Variants in LMLN observed in about 807,000 individuals in gnomAD.
LMLN encodes the protein leishmanolysin-like peptidase.
In LMLN, 70 loss-of-function variants were observed where a neutral mutation model predicts 92.3. The ratio of observed to expected loss-of-function variants is 0.76; its 90% CI spans 0.63 to 0.92. The LOEUF is 0.92. Ranked by LOEUF, LMLN falls within the 40% of genes least tolerant of loss-of-function variation. The pLI, the probability that LMLN is intolerant of heterozygous loss-of-function variation, is 0.00. For synonymous variants in LMLN, 308 were observed against 296.2 expected (o/e 1.04, Z -0.41); for missense variants, 691 against 814.6 (o/e 0.85, Z 1.85).
rs1722736736 is a variant in LMLN at position 198,019,975 on chromosome 3, C to G, written c.1365+590C>G. On this transcript the variant is annotated intron_variant, in intron 12 of 15. Coordinates refer to ENST00000330198, the Ensembl canonical transcript of LMLN. This position sits in a 1 kb window ranked among gnomAD's most constrained non-coding sequence, Gnocchi z 5.5. ...TACCAGATTCAAGCGATTCTTGTGC[C>G]TCAGCCTCCCGAGTAGCTGGGTTTA... is the stretch of plus-strand genomic sequence containing the variant. Among the ~76,000 whole-genome samples the G allele has an allele frequency of 6.6e-6, 1 of 152,170 alleles. No individual in the cohort carries two copies. The highest frequency in any genetic ancestry group is 1.5e-5 in the Non-Finnish European group (1 of 68,032).
At chr3:197,979,330 G>C (rs1331365476) in intron 5 of LMLN, among the ~76,000 whole-genome samples, 2 of 152,014 alleles carry the variant, frequency 1.3e-5, no homozygotes, top group African/African-American at 4.8e-5. Context: ...TGATTACTTG[G>C]GAATTCTGAT....
At chr3:197,969,566 G>A (rs1721165293) in intron 1 of LMLN, among the ~76,000 whole-genome samples, 1 of 152,030 alleles carries the variant, frequency 6.6e-6, no homozygotes, top group Non-Finnish European at 1.5e-5. Flanking sequence ...GTTATTGATA[G>A]AGAGCATCCT....
chr3:198,043,391 C>T (rs958789061), exon 16 of LMLN: 4 of 152,658 alleles, frequency 2.6e-5, no homozygotes, highest in African/African-American at 7.2e-5. Context: ...GCACATGAGT[C>T]GTCGTGGCAG....
exon 6 of LMLN, chr3:197,980,376 G>A (rs781489007): frequency 1.2e-6 from 2 of 1,614,128 alleles, no homozygotes; most frequent in South Asian, 2.2e-5. Context: ...CAGTGGGTGT[G>A]CCAGACCAAG....
chr3:198,024,363 C>T (rs978165942), intron 13 of LMLN, among the ~76,000 whole-genome samples: 1 of 151,814 alleles, frequency 6.6e-6, no homozygotes, highest in Admixed American at 6.6e-5. Flanking sequence ...CTACAGGCGC[C>T]CGCCACCGCG....
chr3:197,999,438 G>A, intron 11 of LMLN, 96 bp downstream of exon 11: 1 of 787,606 alleles, frequency 1.3e-6, no homozygotes, highest in Non-Finnish European at 2.2e-6. Context: ...TTATGCTGAA[G>A]CAAAATATAC....
At chr3:198,007,657 C>G (rs534980331) in intron 11 of LMLN, among the ~76,000 whole-genome samples, 17 of 152,254 alleles carry the variant, frequency 1.1e-4, no homozygotes, top group African/African-American at 3.9e-4. Context: ...ATTGTTCTGG[C>G]TGTTTTGGTT....
In LMLN at chr3:197,985,891, G is replaced by A. The variant is rs1180669900; in HGVS notation, c.929+1G>A. On this transcript the variant is annotated splice_donor_variant, in intron 8 of 15. Transcript: ENST00000330198. LOFTEE classifies it high-confidence loss of function. ...ATGGCCTCCCACCTTTTAATTATAG[G>A]TATTTTTGTTGTTGTTGCTCTTGTT... 1 of 1,581,672 alleles carries A rather than the reference G, an allele frequency of 6.3e-7. No homozygotes were observed. The highest frequency in any genetic ancestry group is 8.7e-7 in the Non-Finnish European group (1 of 1,151,244).
chr3:197,988,552 A>G (rs531480671), intron 8 of LMLN, among the ~76,000 whole-genome samples: 1 of 137,970 alleles, frequency 7.2e-6, no homozygotes, highest in Admixed American at 8.1e-5. Context: ...CAGTGGCACA[A>G]TCATGATCAC....
At chr3:197,974,873 A>T (rs1373676520) in intron 2 of LMLN, among the ~76,000 whole-genome samples, 169 bp from the exon 3 acceptor site, 1 of 152,260 alleles carries the variant, frequency 6.6e-6, no homozygotes, top group Non-Finnish European at 1.5e-5. Flanking sequence ...AAATCCATAG[A>T]GTAAAGTGAA....
intron 14 of LMLN, 27 bp from the exon 16 acceptor site, chr3:198,035,806 A>G (rs373530180): frequency 8.2e-5 from 123 of 1,503,784 alleles, no homozygotes; most frequent in Non-Finnish European, 1.1e-4. Context: ...TATTATTTTT[A>G]TATATCTATT....
intron 3 of LMLN, 150 bp downstream of exon 3, chr3:197,975,222 C>G (rs890840291): frequency 1.2e-5 from 6 of 507,974 alleles, no homozygotes; most frequent in African/African-American, 1.0e-4. Flanking sequence ...CAAAAGGTGT[C>G]TTTGTGATGC....
At chr3:198,038,275 G>T in intron 15 of LMLN, 1 of 324,542 alleles carries the variant, frequency 3.1e-6, no homozygotes, top group Non-Finnish European at 5.8e-6. Flanking sequence ...CCCCATCTCA[G>T]AATAACCAAG....
chr3:198,016,045 A>C (rs1427874667), intron 11 of LMLN, among the ~76,000 whole-genome samples: 1 of 151,966 alleles, frequency 6.6e-6, no homozygotes, highest in Non-Finnish European at 1.5e-5. Context: ...TAAAAAAATT[A>C]GGCTGGCATG....
chr3:198,039,817 A>G (rs978608614), exon 16 of LMLN: 1 of 152,084 alleles, frequency 6.6e-6, no homozygotes, highest in Non-Finnish European at 1.5e-5. Flanking sequence ...AACTGCTATC[A>G]CTGTGCTGGT....
intron 9 of LMLN, among the ~76,000 whole-genome samples, chr3:197,993,329 G>C (rs1321302847): frequency 1.3e-5 from 2 of 152,146 alleles, no homozygotes; most frequent in Non-Finnish European, 2.9e-5. Context: ...GATAGTTGCT[G>C]TTTGCTGATG....
chr3:197,999,404 A>G, intron 11 of LMLN, 62 bp downstream of exon 11: 2 of 1,142,764 alleles, frequency 1.8e-6, no homozygotes, highest in South Asian at 2.5e-5. Context: ...TACTGAGCTT[A>G]TAGCTTAAGA....
At chr3:198,038,625 G>A (rs2109963413) in exon 16 of LMLN, 1 of 1,614,062 alleles carries the variant, frequency 6.2e-7, no homozygotes. Flanking sequence ...TAGGCAATCT[G>A]TTTCCTCTGC....
exon 16 of LMLN, chr3:198,038,897 C>A: frequency 3.5e-6 from 1 of 282,288 alleles, no homozygotes; most frequent in Non-Finnish European, 5.9e-6. Flanking sequence ...AGCAACCCAA[C>A]CACCTCGTCA....
Sources: gnomAD v4.1 joint callset for allele counts (sites outside exome capture counted in the v4.1 genomes callset) on GRCh38, gnomAD v4.1.1 for gene constraint, Gnocchi (gnomAD v3.1) non-coding constraint, MANE v1.5 for transcripts, NCBI Gene and HGNC (gene_info 2026-07-23, HGNC 2026-07-21) for gene names.